STAU2: variants seen among roughly 807,000 people sequenced by gnomAD.
STAU2 encodes staufen double-stranded RNA binding protein 2.
A neutral mutation model predicts 65.9 loss-of-function variants in STAU2; 20 were observed. The observed-to-expected ratio is 0.30, with a 90% CI of 0.21 to 0.44. The LOEUF (loss-of-function observed/expected upper bound fraction) is 0.44. Ranked by LOEUF, STAU2 falls within the 20% of genes least tolerant of loss-of-function variation. The pLI is 1.00. For synonymous variants in STAU2, 232 were observed against 233.9 expected, an observed-to-expected ratio of 0.99 and a Z score of 0.07; for missense variants, 558 against 683.9, an observed-to-expected ratio of 0.82 and a Z score of 2.05.
At chr8:73,676,895 C>G (rs888133066) in intron 5 of STAU2, among the ~76,000 whole-genome samples, 8 of 152,164 alleles carry the variant, frequency 5.3e-5, no homozygotes, top group Admixed American at 2.6e-4. Flanking sequence ...CGTACCTGGT[C>G]TCATTGAAAA....
rs117520406 is a variant in STAU2, at chr8:73,550,653, T to A, written c.1530+1359A>T. 6,888 of 982,606 alleles carry A rather than the reference T, an allele frequency of 7.0e-3. 33 individuals are homozygous for A. The highest frequency in any genetic ancestry group is 7.5e-3 in the Non-Finnish European group (6,200 of 825,618). 60.9% of individuals were successfully genotyped at this position (982,606 alleles called of 1,614,324 possible). ...ACTTTATATAAATTGAGATCTTTTT[T>A]AAACAGTGATTTATTGTGTTTCTTA... On this transcript the variant is annotated intron_variant, in intron 13 of 14. Transcript: ENST00000524300.
At chr8:73,549,572 G>A in intron 13 of STAU2, 1 of 910,438 alleles carries the variant, frequency 1.1e-6, no homozygotes, top group Non-Finnish European at 1.3e-6. Context: ...AAGACTGGGT[G>A]ATGAAACAAA....
chr8:73,603,759 T>C lies in STAU2; in HGVS notation c.996A>G (p.Arg332=). 1 of 1,611,774 alleles carries C rather than the reference T, an allele frequency of 6.2e-7. No homozygotes were observed. The highest frequency in any genetic ancestry group is 8.5e-7 in the Non-Finnish European group (1 of 1,179,826). Residue 332 remains arginine (R), a synonymous_variant, in exon 10 of 15, where the codon AGA becomes AGG. Transcript: ENST00000524300. ...KEPDYVLLSE[R]GMPRRREFVM... ...CAAATTCTCGACGTCGAGGCATTCC[T>C]CTTTCTGAAAGCAAAACATAATCCG... is the stretch of plus-strand genomic sequence containing the variant.
intron 13 of STAU2, among the ~76,000 whole-genome samples, chr8:73,519,227 G>A (rs1225738133): frequency 1.3e-5 from 2 of 152,084 alleles, no homozygotes; most frequent in African/African-American, 4.8e-5. Flanking sequence ...AGGACCCACT[G>A]CAGTGACCCC....
At chr8:73,566,104 TATC>T (rs1299678152) in intron 12 of STAU2, among the ~76,000 whole-genome samples, 2 of 152,202 alleles carry the variant, frequency 1.3e-5, no homozygotes, top group Admixed American at 1.3e-4. Context: ...ATATTCTCCT[TATC>T]ATGCTTTCTT....
rs369462384 is a variant in STAU2 at position 73,421,378 on chromosome 8, G to C, written c.1707C>G (p.Ala569=). The stretch of plus-strand genomic sequence containing the variant: ...CCGCGGGTTCTGGGAGCTGCTAGAC[G>C]GCCGAGTTTGATTTCTTGCAGTCCT... ...IAQDCKKSNS[A]V Residue 569 remains alanine (A), a synonymous_variant, in exon 15 of 15, where the codon GCC becomes GCG. Coordinates refer to ENST00000524300, the MANE Select transcript of STAU2 (RefSeq NM_001164380.2). The C allele has an allele frequency of 6.5e-7, 1 of 1,537,222 alleles. No homozygotes were observed. Among genetic ancestry groups the C allele is most frequent in the Middle Eastern group, 1.7e-4 (1 of 5,982 alleles).
intron 12 of STAU2, among the ~76,000 whole-genome samples, chr8:73,575,892 G>C (rs151331669): frequency 6.6e-6 from 1 of 152,054 alleles, no homozygotes; most frequent in Non-Finnish European, 1.5e-5. Flanking sequence ...AATACGGAGA[G>C]CTGTTTTGCA....
chr8:73,437,214 T>G (rs770854908), intron 13 of STAU2, among the ~76,000 whole-genome samples: 2 of 152,202 alleles, frequency 1.3e-5, no homozygotes, highest in African/African-American at 2.4e-5. Flanking sequence ...TTACTTTACC[T>G]GGCAAGGCAA....
Position 73,701,994 on chromosome 8 carries a change from T to C in STAU2, c.114+7038A>G, listed in dbSNP as rs577702719. Among the ~76,000 whole-genome samples the C allele has an allele frequency of 2.0e-5, 3 of 152,140 alleles. No individual in the cohort carries two copies. The South Asian group carries it at 6.2e-4, about 32-fold the overall frequency. The stretch of plus-strand genomic sequence containing the variant: ...CAGGTACAGAGAGACAAACATCACA[T>C]GTTGTCACTTATTTGTGAGGTCTAA... On this transcript the variant is annotated intron_variant, in intron 4 of 14. Transcript: ENST00000524300.
chr8:73,576,161 T>C (rs1809533350), intron 12 of STAU2, among the ~76,000 whole-genome samples: 1 of 152,144 alleles, frequency 6.6e-6, no homozygotes, highest in Non-Finnish European at 1.5e-5. Flanking sequence ...GAAACTCTTA[T>C]ACATGTGCAC....
chr8:73,580,407 T>G (rs567340368), intron 12 of STAU2, among the ~76,000 whole-genome samples: 13 of 152,328 alleles, frequency 8.5e-5, no homozygotes, highest in African/African-American at 2.9e-4. Context: ...TCAGACAGTA[T>G]GTCAGTGAGG....
At chr8:73,442,166 A>C (rs1185661439) in intron 13 of STAU2, among the ~76,000 whole-genome samples, 1 of 152,040 alleles carries the variant, frequency 6.6e-6, no homozygotes, top group Non-Finnish European at 1.5e-5. Context: ...CATCCTGGCG[A>C]ACATGGTGAA....
rs1193251512 is a variant in STAU2 at position 73,615,872 on chromosome 8, CAAG to C, written c.571-93_571-91del. On this transcript the variant is annotated intron_variant, in intron 7 of 14. Transcript: ENST00000524300. ...CAGTCAAGATGGCCTATTTAAATTA[CAAG>C]AAGAAACAACAAACTATATAGACTG... The C allele has an allele frequency of 1.8e-5, 17 of 924,844 alleles. No homozygotes were observed. In the East Asian group the frequency reaches 2.0e-4, roughly 11 times the overall value. The allele number at this position is 924,844 out of a possible 1,614,324, so 57.3% of individuals were successfully genotyped here. A position where few individuals can be genotyped will look rare whatever the true frequency, so the allele number is the denominator to read the frequency against.
Position 73,558,436 on chromosome 8 carries a change from G to A in STAU2, c.1223-6117C>T, listed in dbSNP as rs183271528. 9.2e-5 allele frequency among the ~76,000 whole-genome samples: 14 copies of A among 152,296 alleles called. No homozygotes were observed. The East Asian group carries it at 2.3e-3, about 25-fold the overall frequency. On this transcript the variant is annotated intron_variant, in intron 12 of 14. Coordinates refer to ENST00000524300, the MANE Select transcript of STAU2 (RefSeq NM_001164380.2). ...GTAGATCTGTGCTTCTTTCAGATGGGTATATGAATCCTCTGGCACACAAAT... is the reference window on the plus strand; with the variant it reads ...GTAGATCTGTGCTTCTTTCAGATGGATATATGAATCCTCTGGCACACAAAT...
chr8:73,647,172 G>C (rs28509236), intron 6 of STAU2, among the ~76,000 whole-genome samples: 42,211 of 151,976 alleles, frequency 0.28, 6,374 homozygotes, highest in East Asian at 0.46. Context: ...TAGTGTAGCA[G>C]TTTCCTAGAA....
At chr8:73,631,893 G>A (rs1274734599) in intron 6 of STAU2, among the ~76,000 whole-genome samples, 2 of 151,560 alleles carry the variant, frequency 1.3e-5, no homozygotes, top group South Asian at 2.1e-4. Flanking sequence ...TACTGCCTAC[G>A]ATCCTAAATC....
chr8:73,527,577 C>A (rs984105694), intron 13 of STAU2: 1 of 643,508 alleles, frequency 1.6e-6, no homozygotes, highest in African/African-American at 1.8e-5. Flanking sequence ...ATGGTGCTAG[C>A]AGATAATGTA....
chr8:73,674,248 T>C (rs1399618613), intron 5 of STAU2, among the ~76,000 whole-genome samples: 4 of 151,640 alleles, frequency 2.6e-5, no homozygotes, highest in South Asian at 2.1e-4. Flanking sequence ...CAAAATTTCA[T>C]CCAAAAGGGG....
chr8:73,542,255 C>G (rs574823119), intron 13 of STAU2, among the ~76,000 whole-genome samples: 1 of 152,110 alleles, frequency 6.6e-6, no homozygotes, highest in Non-Finnish European at 1.5e-5. Flanking sequence ...CATACATGGT[C>G]CTGTAACAAC....
Sources: gnomAD v4.1 joint callset for allele counts (sites outside exome capture counted in the v4.1 genomes callset) on GRCh38, gnomAD v4.1.1 for gene constraint, MANE v1.5 for transcripts, NCBI Gene and HGNC (gene_info 2026-07-23, HGNC 2026-07-21) for gene names.